NEK3: variants seen among roughly 807,000 people sequenced by gnomAD.
The protein encoded by NEK3 is serine/threonine-protein kinase Nek3.
A neutral mutation model predicts 66.0 loss-of-function variants in NEK3; 54 were observed. That is an observed-to-expected ratio of 0.82 (90% CI 0.66 to 1.03). The LOEUF (loss-of-function observed/expected upper bound fraction) is 1.03, where lower values mean the gene tolerates loss of function less well. Among genes scored for constraint, NEK3 ranks in the 50% least tolerant of loss-of-function variants. The pLI is 0.00. For missense variants in NEK3, 593 were observed against 603.0 expected, an observed-to-expected ratio of 0.98 and a Z score of 0.17; for synonymous variants, 200 against 206.2, an observed-to-expected ratio of 0.97 and a Z score of 0.26.
In NEK3 at chr13:52,152,722, A is replaced by C. The variant is rs752652613; in HGVS notation, c.310-30T>G. ...AAGAAAAAGGTATGCAAAATCTTCA[A>C]GAATGCAGTAACTGGCTCATGTTAA... On this transcript the variant is annotated intron_variant, in intron 4 of 15. Coordinates refer to ENST00000610828, the MANE Select transcript of NEK3 (RefSeq NM_002498.3). 1.3e-5 allele frequency: 18 copies of C among 1,413,834 alleles called. No individual in the cohort carries two copies. The East Asian group carries it at 3.2e-4, about 25-fold the overall frequency. 87.6% of individuals were successfully genotyped at this position (1,413,834 alleles called of 1,614,324 possible). A position where few individuals can be genotyped will look rare whatever the true frequency, so the allele number is the denominator to read the frequency against.
chr13:52,144,564 A>AT, intron 9 of NEK3, 127 bp downstream of exon 9: 1 of 761,712 alleles, frequency 1.3e-6, no homozygotes, highest in Non-Finnish European at 2.1e-6. Flanking sequence ...TTAACTTTTT[A>AT]TTTTTTAATA....
At chr13:52,136,309 C>A in intron 12 of NEK3, 50 bp from the exon 13 acceptor site, 2 of 1,575,710 alleles carry the variant, frequency 1.3e-6, no homozygotes, top group Non-Finnish European at 1.7e-6. Context: ...AATTATGTAT[C>A]CATCTCTGTC....
Position 52,134,348 on chromosome 13 carries a change from G to GA in NEK3, c.1310-534dup, listed in dbSNP as rs200090488. Among the ~76,000 whole-genome samples the GA allele has an allele frequency of 1.0e-4, 15 of 147,614 alleles. No homozygotes were observed. In the South Asian group the frequency reaches 1.3e-3, roughly 13 times the overall value. ...CCTATAAACAGGATTTTCTTTAAGA[G>GA]AAAAAAAAAACTCGGAAAATTGCCA... is the stretch of plus-strand genomic sequence containing the variant. On this transcript the variant is annotated intron_variant, in intron 14 of 15. Transcript: ENST00000610828.
intron 11 of NEK3, among the ~76,000 whole-genome samples, chr13:52,139,538 T>C (rs760478232): frequency 5.9e-5 from 9 of 152,110 alleles, no homozygotes; most frequent in Non-Finnish European, 1.2e-4. Context: ...TTAACACCAC[T>C]CAATTGTACA....
chr13:52,133,892 C>CCA, intron 14 of NEK3, 77 bp from the exon 15 acceptor site: 2 of 1,424,708 alleles, frequency 1.4e-6, no homozygotes, highest in African/African-American at 1.4e-5. Context: ...TAAAATCCTC[C>CCA]GTAAGCTTGC....
intron 3 of NEK3, 24 bp from the exon 4 acceptor site, chr13:52,154,016 G>C (rs1555321740): frequency 6.2e-7 from 1 of 1,605,508 alleles, no homozygotes; most frequent in Non-Finnish European, 8.5e-7. Flanking sequence ...AAGCTCTTTA[G>C]AAAAGCTGTA....
intron 1 of NEK3, among the ~76,000 whole-genome samples, chr13:52,158,309 A>T (rs1256389217): frequency 6.6e-6 from 1 of 152,272 alleles, no homozygotes; most frequent in Non-Finnish European, 1.5e-5. Flanking sequence ...TGTTTATCAC[A>T]GAATTACCAG....
At chr13:52,157,891 T>C (rs1196959647) in intron 1 of NEK3, among the ~76,000 whole-genome samples, 1 of 152,282 alleles carries the variant, frequency 6.6e-6, no homozygotes, top group Admixed American at 6.5e-5. Flanking sequence ...TTGTTTTTTA[T>C]TTTGAGACGG....
chr13:52,134,484 A>G (rs1956185770), intron 14 of NEK3, among the ~76,000 whole-genome samples: 1 of 152,154 alleles, frequency 6.6e-6, no homozygotes, highest in African/African-American at 2.4e-5. Context: ...AAGTTTTCAC[A>G]ATGGGGAGGA....
chr13:52,137,911 C>A (rs963180498), intron 11 of NEK3, among the ~76,000 whole-genome samples: 6 of 152,186 alleles, frequency 3.9e-5, no homozygotes, highest in Non-Finnish European at 7.3e-5. Context: ...ACATGTTGCA[C>A]CCTTTTCATT....
At chr13:52,148,127 T>G (rs1197461954) in intron 8 of NEK3, 3 of 279,076 alleles carry the variant, frequency 1.1e-5, no homozygotes, top group Non-Finnish European at 2.0e-5. Flanking sequence ...AATTTTATAT[T>G]TATTTTATCA....
At chr13:52,146,444 C>T (rs113569620) in intron 8 of NEK3, among the ~76,000 whole-genome samples, 5,917 of 152,186 alleles carry the variant, frequency 0.039, 126 homozygotes, top group South Asian at 0.065. Flanking sequence ...CTTTTGTCTT[C>T]GAGCAGACAA....
chr13:52,133,815 C>T lies in NEK3; in HGVS notation c.1310G>A (p.Gly437Asp), dbSNP rs1444920746. ...GGGGCCTTTCAAGAACCCTTCTGAA[C>T]CTTCAGGAGATATTAACAGAAAATA... ...AFQTYTIYRPGSEGFLKGPLS... is the reference protein window; with the variant it reads ...AFQTYTIYRPDSEGFLKGPLS... Residue 437 changes from glycine (G) to aspartate (D), a missense_variant and splice_region_variant, in exon 15 of 16, where the codon GGT becomes GAT. By Grantham distance (94) the Gly-to-Asp change is moderately conservative (BLOSUM62 -1). Coordinates refer to ENST00000610828, the MANE Select transcript of NEK3 (RefSeq NM_002498.3). 2 of 1,596,758 alleles carry T rather than the reference C, an allele frequency of 1.3e-6. No individual in the cohort carries two copies.
chr13:52,133,363 A>C, intron 15 of NEK3, 137 bp from the exon 16 acceptor site: 1 of 734,632 alleles, frequency 1.4e-6, no homozygotes, highest in Non-Finnish European at 2.2e-6. Context: ...AAGGGAAAAA[A>C]TTGCCAGTTC....
intron 10 of NEK3, among the ~76,000 whole-genome samples, chr13:52,141,792 T>C (rs972003457): frequency 6.6e-6 from 1 of 151,972 alleles, no homozygotes; most frequent in Non-Finnish European, 1.5e-5. Context: ...AACACTATAC[T>C]TTTTTGGCCG....
chr13:52,154,903 G>A (rs1195561439), intron 2 of NEK3, among the ~76,000 whole-genome samples: 1 of 150,592 alleles, frequency 6.6e-6, no homozygotes, highest in South Asian at 2.1e-4. Context: ...GCTGCAGTGA[G>A]CTACGATTGT....
chr13:52,141,104 A>AT (rs1956247226), intron 10 of NEK3, 35 bp from the exon 11 acceptor site: 1 of 1,557,048 alleles, frequency 6.4e-7, no homozygotes, highest in Non-Finnish European at 8.7e-7. Flanking sequence ...GAAAGATAAA[A>AT]CACATAAAGG....
chr13:52,152,795 T>C (rs543850607), intron 4 of NEK3, 103 bp from the exon 5 acceptor site: 8 of 692,456 alleles, frequency 1.2e-5, no homozygotes, highest in Middle Eastern at 3.2e-4. Flanking sequence ...ACCGGGATTT[T>C]ACGTAATGTG....
chr13:52,144,963 A>C (rs1956282416), intron 8 of NEK3, 72 bp from the exon 9 acceptor site: 7 of 998,280 alleles, frequency 7.0e-6, no homozygotes, highest in Non-Finnish European at 1.1e-5. Flanking sequence ...CCAGTTATGT[A>C]AATTATTCTA....
Sources: gnomAD v4.1 joint callset for allele counts (sites outside exome capture counted in the v4.1 genomes callset) on GRCh38, gnomAD v4.1.1 for gene constraint, MANE v1.5 for transcripts, NCBI Gene and HGNC (gene_info 2026-07-23, HGNC 2026-07-21) for gene names.